TULP4: variants seen among roughly 807,000 people sequenced by gnomAD.
The protein encoded by TULP4 is tubby-related protein 4.
Under a neutral mutation model 129.0 loss-of-function variants are expected in TULP4, and 16 were observed. That is an observed-to-expected ratio of 0.12 (90% confidence interval 0.08 to 0.19). The LOEUF (loss-of-function observed/expected upper bound fraction) is 0.19. Ranked by LOEUF, TULP4 falls within the 10% of genes least tolerant of loss-of-function variation. TULP4 has a pLI of 1.00. For synonymous variants in TULP4, 998 were observed against 854.0 expected (o/e 1.17, Z -2.94); for missense variants, 1,842 against 2,059.1 (o/e 0.89, Z 2.04).
At chr6:158,271,952 G>A (rs910064584) in intron 1 of TULP4, among the ~76,000 whole-genome samples, 4 of 152,192 alleles carry the variant, frequency 2.6e-5, no homozygotes, top group Non-Finnish European at 4.4e-5. Context: ...GGACACATGT[G>A]CAGTGGAGGG....
intron 1 of TULP4, among the ~76,000 whole-genome samples, chr6:158,324,992 G>A (rs1340116421): frequency 6.6e-6 from 1 of 152,204 alleles, no homozygotes; most frequent in Admixed American, 6.5e-5. Context: ...GGGATCGACA[G>A]GTGGGACCAG....
rs1410368156 is a variant in TULP4 at position 158,453,582 on chromosome 6, A to G, written c.859+1314A>G. 5.4e-5 allele frequency among the ~76,000 whole-genome samples: 8 copies of G among 149,442 alleles called. No individual in the cohort carries two copies. The Admixed American group carries it at 5.4e-4, about 10-fold the overall frequency. ...GAGGCGGGCAGATCACGAGGTCAGG[A>G]GTTCAAGATCAGCCTGGCCAACATC... On this transcript the variant is annotated intron_variant, in intron 5 of 13. Transcript: ENST00000367097.
intron 1 of TULP4, among the ~76,000 whole-genome samples, chr6:158,373,711 C>T (rs1302818433): frequency 1.3e-5 from 2 of 152,146 alleles, no homozygotes; most frequent in Non-Finnish European, 2.9e-5. Context: ...AAAGATTTTT[C>T]CCCAGAACTT....
chr6:158,312,270 A>C (rs1779372704), upstream of TULP4: 2 of 396,556 alleles, frequency 5.0e-6, no homozygotes, highest in Admixed American at 4.4e-5. Context: ...CAGATGGAGC[A>C]ACTTGACACC....
chr6:158,323,642 G>A (rs1180547800), intron 1 of TULP4, among the ~76,000 whole-genome samples: 2 of 152,206 alleles, frequency 1.3e-5, no homozygotes, highest in Non-Finnish European at 1.5e-5. Context: ...CATAGTTGGT[G>A]GAGAAAAGCC....
At chr6:158,289,379 A>AT (rs148402935) in intron 1 of TULP4, among the ~76,000 whole-genome samples, 5 of 150,042 alleles carry the variant, frequency 3.3e-5, no homozygotes, top group Non-Finnish European at 5.9e-5. Flanking sequence ...AGCTTGTCTA[A>AT]TTTTTTTTTC....
At chr6:158,429,461 G>A (rs553641379) in intron 2 of TULP4, among the ~76,000 whole-genome samples, 8 of 152,128 alleles carry the variant, frequency 5.3e-5, no homozygotes, top group Non-Finnish European at 1.0e-4. Flanking sequence ...TAAAATTTTT[G>A]TAGAGGTAGT....
intron 6 of TULP4, among the ~76,000 whole-genome samples, chr6:158,476,870 C>T (rs1779832118): frequency 6.6e-6 from 1 of 152,160 alleles, no homozygotes; most frequent in Non-Finnish European, 1.5e-5. Flanking sequence ...AGAGAGTCAG[C>T]ACCATGTAGT....
chr6:158,388,199 C>T (rs1777493675), intron 1 of TULP4, among the ~76,000 whole-genome samples: 1 of 151,318 alleles, frequency 6.6e-6, no homozygotes, highest in Non-Finnish European at 1.5e-5. Flanking sequence ...TCATATAGCA[C>T]AAGAAAGTAA....
chr6:158,502,481 A>G lies in TULP4; in HGVS notation c.2818A>G (p.Ser940Gly). The G allele has an allele frequency of 1.2e-6, 2 of 1,613,080 alleles. No homozygotes were observed. The highest frequency in any genetic ancestry group is 1.7e-6 in the Non-Finnish European group (2 of 1,179,836). ...GAAGAAGGTCCCTCAGCCCTGCAGCAGTGCCACCCTGAACCGCCTGACCGT... is the reference window on the plus strand; with the variant it reads ...GAAGAAGGTCCCTCAGCCCTGCAGCGGTGCCACCCTGAACCGCCTGACCGT... ...TEKKVPQPCS[S>G]ATLNRLTVPR... The change falls in exon 13 of 14, where the codon AGT becomes GGT. Residue 940 changes from serine (S) to glycine (G), a missense_variant. Around this residue, in one of 5 missense-constraint regions of TULP4, gnomAD observed 1,089 missense variants for 987.1 expected, o/e 1.10. Transcript: ENST00000367097.
intron 1 of TULP4, among the ~76,000 whole-genome samples, chr6:158,344,531 A>G (rs1780258588): frequency 6.6e-6 from 1 of 152,204 alleles, no homozygotes; most frequent in South Asian, 2.1e-4. Context: ...TTTCATCATT[A>G]TATCTTTTAT....
intron 2 of TULP4, among the ~76,000 whole-genome samples, chr6:158,425,810 T>G (rs1034533833): frequency 2.0e-5 from 3 of 152,024 alleles, no homozygotes; most frequent in African/African-American, 7.2e-5. Context: ...CCATCTCTGG[T>G]CTCGAACTCT....
At position 158,503,495 on chromosome 6, in the gene TULP4, A is replaced by G; in HGVS notation, c.3832A>G (p.Thr1278Ala). 1.9e-6 allele frequency: 3 copies of G among 1,612,594 alleles called. No homozygotes were observed. Among genetic ancestry groups the G allele is most frequent in the Non-Finnish European group, 2.5e-6 (3 of 1,179,658 alleles). ...ACPPMQNPQG[T>A]LPPKPHLVVE... ...CCCGCCCATGCAGAACCCCCAGGGC[A>G]CTCTCCCCCCAAAGCCACACTTGGT... Residue 1278 changes from threonine to alanine, a missense_variant, in exon 13 of 14, where the codon ACT (threonine) becomes GCT (alanine). Physicochemically the swap from Thr to Ala is moderately conservative, Grantham distance 58. Transcript: ENST00000367097. This position sits in a 1 kb window ranked among gnomAD's most constrained non-coding sequence, Gnocchi z 4.3.
chr6:158,503,608 C>G lies in TULP4; in HGVS notation c.3945C>G (p.Phe1315Leu), dbSNP rs1239116069. The stretch of plus-strand genomic sequence containing the variant: ...TGATGGTAGAGACTGCAGACAACTT[C>G]CAGGAAGTCCTCTCCCTGACCGAAA... ...TEVMVETADN[F>L]QEVLSLTESP... is the part of the protein sequence containing the mutation. The change falls in exon 13 of 14, where the codon TTC becomes TTG. Residue 1315 changes from phenylalanine (F) to leucine (L), a missense_variant. By Grantham distance (22) the Phe-to-Leu change is conservative (BLOSUM62 0). This residue lies in a region of TULP4 where 1,089 missense variants were observed against 987.1 expected (regional missense o/e 1.10). Transcript: ENST00000367097. The surrounding 1 kb of genome is among the most constrained non-coding windows in gnomAD (Gnocchi z 4.3). The G allele has an allele frequency of 9.3e-6, 15 of 1,613,942 alleles. No individual in the cohort carries two copies. Among genetic ancestry groups the G allele is most frequent in the Non-Finnish European group, 1.3e-5 (15 of 1,180,042 alleles).
chr6:158,390,644 A>G (rs908893751), intron 1 of TULP4, among the ~76,000 whole-genome samples: 3 of 152,336 alleles, frequency 2.0e-5, no homozygotes, highest in South Asian at 2.1e-4. Context: ...GGAGTGAACA[A>G]TGCTAAGATC....
intron 5 of TULP4, among the ~76,000 whole-genome samples, chr6:158,453,618 G>C (rs551000556): frequency 8.7e-5 from 13 of 149,562 alleles, no homozygotes; most frequent in Admixed American, 6.0e-4. Flanking sequence ...GTGAAACCTC[G>C]TCTGTATTAA....
chr6:158,456,393 T>A (rs1779292355), intron 5 of TULP4, among the ~76,000 whole-genome samples: 2 of 152,202 alleles, frequency 1.3e-5, no homozygotes, highest in African/African-American at 4.8e-5. Context: ...GAAAACATTA[T>A]GAGATTTTTT....
rs1382994570 is a variant in TULP4, at chr6:158,429,153, T to C, written c.382-583T>C. The stretch of plus-strand genomic sequence containing the variant: ...GTCTGCCACTGCTCCCGACTAATTA[T>C]TTTGAGACAGAGTCTCACTCTGTTG... On this transcript the variant is annotated intron_variant, in intron 2 of 13. Coordinates refer to ENST00000367097, the MANE Select transcript of TULP4 (RefSeq NM_020245.5). Among the ~76,000 whole-genome samples the C allele has an allele frequency of 2.0e-5, 3 of 152,182 alleles. No individual in the cohort carries two copies. The East Asian group carries it at 5.8e-4, about 29-fold the overall frequency.
chr6:158,296,465 C>T (rs1263110198), intron 1 of TULP4, among the ~76,000 whole-genome samples: 1 of 151,538 alleles, frequency 6.6e-6, no homozygotes, highest in African/African-American at 2.4e-5. Context: ...TTAAGGGTTT[C>T]AAAAGGGAAG....
Sources: gnomAD v4.1 joint callset for allele counts (sites outside exome capture counted in the v4.1 genomes callset) on GRCh38, gnomAD v4.1.1 for gene constraint, gnomAD v4.1.1 regional missense constraint, Gnocchi (gnomAD v3.1) non-coding constraint, MANE v1.5 for transcripts, NCBI Gene and HGNC (gene_info 2026-07-23, HGNC 2026-07-21) for gene names.